Variants in ROBO2 observed in about 807,000 individuals in gnomAD.
ROBO2 encodes the protein roundabout homolog 2.
In ROBO2, 53 loss-of-function variants were observed where a neutral mutation model predicts 160.8. The ratio of observed to expected loss-of-function variants is 0.33; its 90% CI spans 0.26 to 0.41. The LOEUF (loss-of-function observed/expected upper bound fraction) is 0.41, where lower values mean the gene tolerates loss of function less well. Among genes scored for constraint, ROBO2 ranks in the 10% least tolerant of loss-of-function variants. The probability of loss-of-function intolerance (pLI) is 1.00; values close to 1 mark genes in which losing one functional copy is unlikely to be tolerated. For missense variants in ROBO2, 1,577 were observed against 1,722.4 expected (o/e 0.92, Z 1.49); for synonymous variants, 664 against 611.7 (o/e 1.09, Z -1.26).
chr3:76,584,672 A>G (rs1167372901), intron 2 of ROBO2, among the ~76,000 whole-genome samples: 2 of 152,142 alleles, frequency 1.3e-5, no homozygotes, highest in African/African-American at 2.4e-5. Context: ...TAAATATCTC[A>G]CAGCCATCTA....
chr3:76,276,578 A>T (rs1707937591), intron 2 of ROBO2, among the ~76,000 whole-genome samples: 1 of 152,094 alleles, frequency 6.6e-6, no homozygotes, highest in African/African-American at 2.4e-5. Flanking sequence ...TTTGTTTAAA[A>T]CTACTTTTTA....
chr3:76,985,419 A>T (rs1456786415), intron 2 of ROBO2, among the ~76,000 whole-genome samples: 1 of 151,426 alleles, frequency 6.6e-6, no homozygotes, highest in African/African-American at 2.4e-5. Context: ...CATCTCTACT[A>T]AAAATACAAA....
At chr3:76,009,131 C>CTTG (rs1386479285) in intron 2 of ROBO2, among the ~76,000 whole-genome samples, 3 of 152,138 alleles carry the variant, frequency 2.0e-5, no homozygotes, top group African/African-American at 7.2e-5. Flanking sequence ...GAGACTGAGT[C>CTTG]TTGCTCTGTC....
intron 2 of ROBO2, among the ~76,000 whole-genome samples, chr3:76,761,586 C>T (rs1246101174): frequency 6.6e-6 from 1 of 151,706 alleles, no homozygotes. Flanking sequence ...ATATTATATA[C>T]TGTCTTTTTT....
chr3:77,402,357 A>G (rs2075878536), intron 2 of ROBO2, among the ~76,000 whole-genome samples: 1 of 152,142 alleles, frequency 6.6e-6, no homozygotes, highest in Admixed American at 6.6e-5. Flanking sequence ...TGGGTGCAAC[A>G]AACCACAATG....
intron 5 of ROBO2, among the ~76,000 whole-genome samples, chr3:77,518,646 T>A (rs1421977691): frequency 6.6e-6 from 1 of 151,536 alleles, no homozygotes; most frequent in Non-Finnish European, 1.5e-5. Flanking sequence ...CTGAATCCTA[T>A]CAAGTTGTGT....
rs576340236 is a variant in ROBO2 at position 76,780,242 on chromosome 3, C to T, written c.110-317772C>T. On this transcript the variant is annotated intron_variant, in intron 2 of 26. Transcript: ENST00000487694. ...TGGAGAGCTGTCTATTCATGTTCTT[C>T]GCCTATTTTTTAATTGAGTTTTGTT... Among the ~76,000 whole-genome samples the T allele has an allele frequency of 5.7e-4, 84 of 147,072 alleles. 1 individual carries two copies. Among genetic ancestry groups the T allele is most frequent in the African/African-American group, 1.9e-3 (76 of 40,520 alleles).
chr3:76,846,851 C>A (rs1045398995), intron 2 of ROBO2, among the ~76,000 whole-genome samples: 6 of 151,946 alleles, frequency 3.9e-5, no homozygotes, highest in African/African-American at 1.2e-4. Context: ...GCTTTTTGAC[C>A]AATACTGGTC....
intron 14 of ROBO2, among the ~76,000 whole-genome samples, chr3:77,575,378 G>A (rs531631591): frequency 3.3e-5 from 5 of 152,088 alleles, no homozygotes; most frequent in South Asian, 4.2e-4. Context: ...AAGGAGATGC[G>A]AAATGAAATA....
At chr3:77,564,681 A>T (rs2093428113) in intron 11 of ROBO2, 1 of 529,634 alleles carries the variant, frequency 1.9e-6, no homozygotes, top group South Asian at 2.0e-5. Context: ...GTATTCATTT[A>T]GTGGGCTGCT....
chr3:77,517,344 T>C (rs183949526), intron 5 of ROBO2, among the ~76,000 whole-genome samples: 68 of 151,410 alleles, frequency 4.5e-4, no homozygotes, highest in Non-Finnish European at 8.4e-4. Flanking sequence ...AGAACTGGCT[T>C]CTTACATTGA....
At chr3:77,089,440 G>A (rs1231523935) in intron 1 of ROBO2, among the ~76,000 whole-genome samples, 1 of 152,156 alleles carries the variant, frequency 6.6e-6, no homozygotes, top group Non-Finnish European at 1.5e-5. Context: ...AAGGCTGCCT[G>A]TTGAGTTTGA....
At chr3:75,989,935 CT>C (rs1430029015) in intron 2 of ROBO2, among the ~76,000 whole-genome samples, 2 of 152,148 alleles carry the variant, frequency 1.3e-5, no homozygotes, top group Admixed American at 6.5e-5. Flanking sequence ...TAGGAATTTC[CT>C]TTTAATTGGC....
chr3:76,778,646 T>A (rs1484670934), intron 2 of ROBO2, among the ~76,000 whole-genome samples: 2 of 151,122 alleles, frequency 1.3e-5, no homozygotes, highest in African/African-American at 4.8e-5. Flanking sequence ...ATCTTTCTGT[T>A]TTGGCTACTA....
At chr3:77,528,059 G>A (rs139884548) in intron 6 of ROBO2, among the ~76,000 whole-genome samples, 25 of 151,698 alleles carry the variant, frequency 1.6e-4, no homozygotes, top group African/African-American at 5.5e-4. Context: ...TAAGTTAACA[G>A]CTTGCTTTTG....
chr3:77,566,855 C>A (rs888333231), intron 12 of ROBO2, among the ~76,000 whole-genome samples: 4 of 152,002 alleles, frequency 2.6e-5, no homozygotes, highest in African/African-American at 4.8e-5. Context: ...AGCAGCTTTG[C>A]AATCTGCAAA....
intron 2 of ROBO2, among the ~76,000 whole-genome samples, chr3:76,474,488 C>T (rs190554689): frequency 3.3e-5 from 5 of 152,154 alleles, no homozygotes; most frequent in Admixed American, 3.3e-4. Flanking sequence ...TGCCAGGCCC[C>T]GTTCTAAGTG....
Position 76,551,574 on chromosome 3 carries a change from A to G in ROBO2, c.110-546440A>G, listed in dbSNP as rs371894773. 2.0e-5 allele frequency among the ~76,000 whole-genome samples: 3 copies of G among 152,106 alleles called. No homozygotes were observed. The South Asian group carries it at 6.2e-4, about 32-fold the overall frequency. On this transcript the variant is annotated intron_variant, in intron 2 of 26. Transcript: ENST00000487694. ...CATTGTGGGCAACGAGAAGGATAGA[A>G]TGAGGAGCTATGGCCCTTCAGGGAG...
At chr3:75,947,818 C>G (rs560743471) in intron 2 of ROBO2, among the ~76,000 whole-genome samples, 46 of 152,198 alleles carry the variant, frequency 3.0e-4, no homozygotes, top group Non-Finnish European at 5.6e-4. Context: ...GTTTGAAGAT[C>G]TGAGATAAGG....
Sources: allele counts gnomAD v4.1 joint callset (sites outside exome capture counted in the v4.1 genomes callset), GRCh38; gene constraint gnomAD v4.1.1; transcripts MANE v1.5; gene names NCBI Gene and HGNC (gene_info 2026-07-23, HGNC 2026-07-21).